The following MYO18B variants were observed in gnomAD, a reference collection of about 807,000 sequenced individuals.
The protein encoded by MYO18B is myosin XVIIIB.
MYO18B carries 204 observed loss-of-function variants against 273.0 expected under a neutral mutation model. That is an observed-to-expected ratio of 0.75 (90% CI 0.67 to 0.84). The LOEUF (loss-of-function observed/expected upper bound fraction) is 0.84. Ranked by LOEUF, MYO18B falls within the 40% of genes least tolerant of loss-of-function variation. The probability of loss-of-function intolerance (pLI) is 0.00; values close to 1 mark genes in which losing one functional copy is unlikely to be tolerated. For missense variants in MYO18B, 3,212 were observed against 3,287.6 expected (o/e 0.98, Z 0.56); for synonymous variants, 1,330 against 1,305.7 (o/e 1.02, Z -0.40).
intron 12 of MYO18B, among the ~76,000 whole-genome samples, chr22:25,803,994 A>G (rs982759198): frequency 1.3e-5 from 2 of 151,036 alleles, no homozygotes; most frequent in Non-Finnish European, 2.9e-5. Flanking sequence ...ACACACACAC[A>G]CACACACACA....
In MYO18B at chr22:26,027,576, G is replaced by C. The variant is rs368810371; in HGVS notation, c.7602G>C (p.Ala2534=). 30 of 1,613,868 alleles carry C rather than the reference G, an allele frequency of 1.9e-5. No individual in the cohort carries two copies. The highest frequency in any genetic ancestry group is 2.5e-5 in the Non-Finnish European group (30 of 1,179,906). The change falls in exon 43 of 44, where the codon GCG becomes GCC. Residue 2534 remains alanine (A), a synonymous_variant. Coordinates refer to ENST00000335473, the MANE Select transcript of MYO18B (RefSeq NM_032608.7). This position sits in a 1 kb window ranked among gnomAD's most constrained non-coding sequence, Gnocchi z 4.1. ...GTCGACCAGGAATCCCACGACTTGC[G>C]GGTGACGGTGGCGAGCGAACGTCCC... ...IKSRPGIPRL[A]GDGGERTSPE...
chr22:25,915,607 A>C (rs1337809167), intron 33 of MYO18B, among the ~76,000 whole-genome samples: 1 of 152,078 alleles, frequency 6.6e-6, no homozygotes, highest in Non-Finnish European at 1.5e-5. Flanking sequence ...TGTATTTGTA[A>C]TTTTCTAATA....
At chr22:26,056,217 G>C in the MYO18B span, among the ~76,000 whole-genome samples, 1 of 152,176 alleles carries the variant, frequency 6.6e-6, no homozygotes, top group Non-Finnish European at 1.5e-5. Flanking sequence ...TAAGTACTGA[G>C]ACTGGGTCTA....
chr22:25,768,425 C>T lies in MYO18B; in HGVS notation c.509C>T (p.Thr170Ile). Residue 170 changes from threonine to isoleucine, a missense_variant, in exon 4 of 44, where the codon ACT becomes ATT. Physicochemically the swap from Thr to Ile is moderately conservative, Grantham distance 89 (BLOSUM62 -1). Transcript: ENST00000335473. ...LDPDSAKPEK[T>I]HPHDAPPCKT... is the part of the protein sequence containing the mutation. ...CCGGACTCAGCCAAGCCAGAGAAGA[C>T]TCATCCCCATGACGCCCCCCCTTGC... is the stretch of plus-strand genomic sequence containing the variant. 6.2e-7 allele frequency: 1 copy of T among 1,613,404 alleles called. No homozygotes were observed. Among genetic ancestry groups the T allele is most frequent in the Non-Finnish European group, 8.5e-7 (1 of 1,179,716 alleles).
intron 39 of MYO18B, 149 bp downstream of exon 39, chr22:25,955,513 A>T: frequency 1.2e-6 from 1 of 852,128 alleles, no homozygotes; most frequent in African/African-American, 1.7e-5. Context: ...CAAGAAGGGG[A>T]GAGTGGGCTG....
At chr22:25,873,859 T>C (rs2091116088) in intron 22 of MYO18B, among the ~76,000 whole-genome samples, 1 of 152,212 alleles carries the variant, frequency 6.6e-6, no homozygotes, top group South Asian at 2.1e-4. Flanking sequence ...GGCCTGGGAA[T>C]CTGCATGTAC....
chr22:26,060,831 CATATACACA>C, the MYO18B span, among the ~76,000 whole-genome samples: 11,285 of 122,642 alleles, frequency 0.092, 1,019 homozygotes, highest in African/African-American at 0.3. Context: ...TACATATATA[CATATACACA>C]ATATACACAT....
intron 11 of MYO18B, among the ~76,000 whole-genome samples, chr22:25,789,563 G>A (rs5996975): frequency 4.6e-5 from 7 of 151,946 alleles, no homozygotes; most frequent in African/African-American, 1.7e-4. Flanking sequence ...TGGGACCTGG[G>A]AGGCAGAGGC....
chr22:25,798,016 G>C lies in MYO18B; in HGVS notation c.2440G>C (p.Gly814Arg). 1 of 1,613,736 alleles carries C rather than the reference G, an allele frequency of 6.2e-7. No homozygotes were observed. The highest frequency in any genetic ancestry group is 8.5e-7 in the Non-Finnish European group (1 of 1,179,708). Residue 814 changes from glycine (G) to arginine (R), a missense_variant, in exon 12 of 44, where the codon GGC becomes CGC. Coordinates refer to ENST00000335473, the MANE Select transcript of MYO18B (RefSeq NM_032608.7). Reference protein sequence around the residue: ...AQLQGAMEMLGISESEQRAVW... With the variant: ...AQLQGAMEMLRISESEQRAVW... The stretch of plus-strand genomic sequence containing the variant: ...GCTCCAGGGTGCCATGGAGATGCTC[G>C]GCATCTCAGAGAGCGAGCAGCGGGC...
chr22:25,795,732 GC>G (rs1262991368), intron 11 of MYO18B, among the ~76,000 whole-genome samples: 1 of 152,204 alleles, frequency 6.6e-6, no homozygotes. Context: ...AATGGAACAT[GC>G]TTTTGCTATT....
chr22:25,969,556 G>A (rs1387890552), intron 39 of MYO18B, among the ~76,000 whole-genome samples: 2 of 152,100 alleles, frequency 1.3e-5, no homozygotes, highest in Non-Finnish European at 2.9e-5. Context: ...TTTGTGATAA[G>A]ACCATTTGGC....
At chr22:25,980,069 G>A (rs1479428158) in intron 39 of MYO18B, among the ~76,000 whole-genome samples, 1 of 152,148 alleles carries the variant, frequency 6.6e-6, no homozygotes, top group African/African-American at 2.4e-5. Flanking sequence ...GAGAGGACAG[G>A]GGTAGGAAAC....
At chr22:26,061,604 G>C in the MYO18B span, among the ~76,000 whole-genome samples, 5 of 151,480 alleles carry the variant, frequency 3.3e-5, no homozygotes, top group African/African-American at 1.2e-4. Flanking sequence ...CACTATCATA[G>C]CTCTCAGTTC....
chr22:25,830,881 CA>C (rs1307934073), intron 15 of MYO18B, among the ~76,000 whole-genome samples: 1 of 152,180 alleles, frequency 6.6e-6, no homozygotes, highest in African/African-American at 2.4e-5. Context: ...CCAGACTCCC[CA>C]AAGGGGCCGT....
chr22:25,955,499 G>A, intron 39 of MYO18B, 135 bp downstream of exon 39: 1 of 923,880 alleles, frequency 1.1e-6, no homozygotes, highest in Non-Finnish European at 1.5e-6. Flanking sequence ...AAAGCCAGGA[G>A]AAACAAGAAG....
At chr22:25,930,821 G>A (rs1052270526) in intron 34 of MYO18B, among the ~76,000 whole-genome samples, 1 of 152,102 alleles carries the variant, frequency 6.6e-6, no homozygotes, top group African/African-American at 2.4e-5. Flanking sequence ...GGTCAGCTCC[G>A]GTGTTTACTC....
At chr22:25,868,235 A>G in intron 21 of MYO18B, 85 bp from the exon 22 acceptor site, 1 of 1,155,434 alleles carries the variant, frequency 8.7e-7, no homozygotes. Flanking sequence ...GTCCTGGCGC[A>G]TCAGCCATCG....
At chr22:25,872,026 T>C (rs1378924431) in intron 22 of MYO18B, among the ~76,000 whole-genome samples, 1 of 152,138 alleles carries the variant, frequency 6.6e-6, no homozygotes, top group Non-Finnish European at 1.5e-5. Context: ...GTGAAATTAA[T>C]ACAGTCATTA....
intron 40 of MYO18B, 132 bp from the exon 41 acceptor site, chr22:26,003,133 A>C: frequency 5.1e-6 from 4 of 779,898 alleles, no homozygotes; most frequent in Non-Finnish European, 8.9e-6. Context: ...AAGGCAAGTG[A>C]CTTCCCTGAG....
Sources: gnomAD v4.1 joint callset for allele counts (sites outside exome capture counted in the v4.1 genomes callset) on GRCh38, gnomAD v4.1.1 for gene constraint, Gnocchi (gnomAD v3.1) non-coding constraint, MANE v1.5 for transcripts, NCBI Gene and HGNC (gene_info 2026-07-23, HGNC 2026-07-21) for gene names.